The following AK8 variants were observed in gnomAD, a reference collection of about 807,000 sequenced individuals.
AK8 encodes the protein adenylate kinase 8.
AK8 carries 44 observed loss-of-function variants against 54.6 expected under a neutral mutation model. The ratio of observed to expected loss-of-function variants is 0.81; its 90% CI spans 0.63 to 1.04. AK8 has a LOEUF of 1.04. Ranked by LOEUF, AK8 falls within the 50% of genes least tolerant of loss-of-function variation. The probability of loss-of-function intolerance (pLI) is 0.00; values close to 1 mark genes in which losing one functional copy is unlikely to be tolerated. For missense variants in AK8, 555 were observed against 613.6 expected, an observed-to-expected ratio of 0.90 and a Z score of 1.01; for synonymous variants, 239 against 245.6, an observed-to-expected ratio of 0.97 and a Z score of 0.25.
At chr9:132,849,697 C>T (rs1290032111) in intron 5 of AK8, among the ~76,000 whole-genome samples, 6 of 152,212 alleles carry the variant, frequency 3.9e-5, no homozygotes, top group Non-Finnish European at 7.3e-5. Context: ...GTGAGAACTG[C>T]TACTCCCTCG....
chr9:132,765,199 G>A (rs865919132), intron 11 of AK8, among the ~76,000 whole-genome samples: 6 of 148,280 alleles, frequency 4.0e-5, no homozygotes, highest in Non-Finnish European at 5.9e-5. Flanking sequence ...AGGCTGAGGC[G>A]GGAGAGTTGC....
At chr9:132,774,537 A>G (rs1325327844) in intron 11 of AK8, among the ~76,000 whole-genome samples, 2 of 152,196 alleles carry the variant, frequency 1.3e-5, no homozygotes, top group Non-Finnish European at 2.9e-5. Context: ...CCTGTAAGGA[A>G]GATGGAAAAT....
chr9:132,798,830 C>T (rs1445709462), intron 10 of AK8, among the ~76,000 whole-genome samples: 1 of 152,150 alleles, frequency 6.6e-6, no homozygotes, highest in Non-Finnish European at 1.5e-5. Flanking sequence ...GATGGGGATC[C>T]ATGGTGGCAA....
chr9:132,750,156 TCA>T (rs1287852318), intron 11 of AK8, among the ~76,000 whole-genome samples: 1 of 151,932 alleles, frequency 6.6e-6, no homozygotes, highest in East Asian at 1.9e-4. Flanking sequence ...ATGGGCTCTG[TCA>T]TGCAGGCTGG....
At chr9:132,783,532 T>A (rs1408036972) in intron 11 of AK8, among the ~76,000 whole-genome samples, 1 of 150,374 alleles carries the variant, frequency 6.7e-6, no homozygotes, top group Non-Finnish European at 1.5e-5. Flanking sequence ...TGGGACCCAG[T>A]TATAGGTGCT....
At chr9:132,727,432 C>A (rs778887473) in intron 12 of AK8, 22 bp downstream of exon 12, 1 of 1,613,106 alleles carries the variant, frequency 6.2e-7, no homozygotes, top group African/African-American at 1.3e-5. Flanking sequence ...AGACTGCCAA[C>A]CACCAGGAAC....
intron 10 of AK8, among the ~76,000 whole-genome samples, chr9:132,804,260 C>T (rs560977499): frequency 6.6e-6 from 1 of 152,284 alleles, no homozygotes; most frequent in East Asian, 1.9e-4. Flanking sequence ...CTGCCACAGG[C>T]TTGCTCTTCC....
At chr9:132,777,303 C>G (rs1224978490) in intron 11 of AK8, among the ~76,000 whole-genome samples, 1 of 152,148 alleles carries the variant, frequency 6.6e-6, no homozygotes, top group African/African-American at 2.4e-5. Flanking sequence ...CCCAGTGCCT[C>G]CCCGCATCAT....
At chr9:132,853,432 A>G (rs893642924) in intron 5 of AK8, among the ~76,000 whole-genome samples, 1 of 152,060 alleles carries the variant, frequency 6.6e-6, no homozygotes, top group African/African-American at 2.4e-5. Flanking sequence ...GTAGTCAGAG[A>G]AAAAAATGAT....
At chr9:132,785,260 T>A (rs1325882138) in intron 11 of AK8, among the ~76,000 whole-genome samples, 13 of 152,026 alleles carry the variant, frequency 8.6e-5, no homozygotes, top group Admixed American at 8.5e-4. Context: ...CCCACCACCA[T>A]GCCCGGCTAA....
At chr9:132,767,382 A>G (rs1050872167) in intron 11 of AK8, among the ~76,000 whole-genome samples, 2 of 152,240 alleles carry the variant, frequency 1.3e-5, no homozygotes, top group Admixed American at 1.3e-4. Flanking sequence ...AATATCATGG[A>G]AATGCAAATT....
At chr9:132,875,041 G>T (rs1844028196) in intron 2 of AK8, 74 bp downstream of exon 2, 1 of 1,574,800 alleles carries the variant, frequency 6.4e-7, no homozygotes, top group South Asian at 1.1e-5. Flanking sequence ...GGAGGCAGAG[G>T]AGTCAGGGAA....
chr9:132,853,368 A>AG (rs1180255899), intron 5 of AK8, among the ~76,000 whole-genome samples: 6 of 151,690 alleles, frequency 4.0e-5, no homozygotes, highest in East Asian at 1.9e-4. Context: ...AAAAAAAAAA[A>AG]AAAAGAAAAG....
chr9:132,761,503 C>A (rs1262646832), intron 11 of AK8, among the ~76,000 whole-genome samples: 3 of 152,168 alleles, frequency 2.0e-5, no homozygotes, highest in East Asian at 3.9e-4. Flanking sequence ...CTTCACGTAT[C>A]TGCCCACCTC....
intron 2 of AK8, among the ~76,000 whole-genome samples, chr9:132,872,054 G>C: frequency 6.6e-6 from 1 of 152,182 alleles, no homozygotes. Flanking sequence ...AACACAGAGG[G>C]CCAGGCACAG....
rs946276667 is a variant in AK8 at position 132,781,815 on chromosome 9, T to C, written c.1121+10819A>G. On this transcript the variant is annotated intron_variant, in intron 11 of 12. Coordinates refer to ENST00000298545, the MANE Select transcript of AK8 (RefSeq NM_152572.3). This position sits in a 1 kb window ranked among gnomAD's most constrained non-coding sequence, Gnocchi z 4.6. ...GTCATCCTGGTGCTAGGTGGATTCA[T>C]TTTAGAATATTTCTCTCTTTCTTAG... is the stretch of plus-strand genomic sequence containing the variant. Among the ~76,000 whole-genome samples the C allele has an allele frequency of 6.6e-6, 1 of 152,188 alleles. No homozygotes were observed. The highest frequency in any genetic ancestry group is 6.5e-5 in the Admixed American group (1 of 15,272).
chr9:132,734,811 C>T (rs769854817), intron 11 of AK8, among the ~76,000 whole-genome samples: 20 of 152,086 alleles, frequency 1.3e-4, no homozygotes, highest in Non-Finnish European at 2.2e-4. Context: ...GGACGGATCA[C>T]CTGAGGTCAA....
chr9:132,759,915 T>C lies in AK8; in HGVS notation c.1122-32381A>G, dbSNP rs574892597. Among the ~76,000 whole-genome samples the C allele has an allele frequency of 2.0e-5, 3 of 152,322 alleles. No homozygotes were observed. In the South Asian group the frequency reaches 6.2e-4, roughly 32 times the overall value. On this transcript the variant is annotated intron_variant, in intron 11 of 12. Transcript: ENST00000298545. ...ATTTTTAACTCTTTGCTCTTCTATGTAAATGCAGAATGAGCACAGCAAGTT... is the reference window on the plus strand; with the variant it reads ...ATTTTTAACTCTTTGCTCTTCTATGCAAATGCAGAATGAGCACAGCAAGTT...
At chr9:132,779,687 G>T (rs573256952) in intron 11 of AK8, among the ~76,000 whole-genome samples, 1 of 100,814 alleles carries the variant, frequency 9.9e-6, no homozygotes, top group South Asian at 5.7e-4. Context: ...CAGTAGTGCT[G>T]TGAGGTTAAA....
Sources: gnomAD v4.1 joint callset for allele counts (sites outside exome capture counted in the v4.1 genomes callset) on GRCh38, gnomAD v4.1.1 for gene constraint, Gnocchi (gnomAD v3.1) non-coding constraint, MANE v1.5 for transcripts, NCBI Gene and HGNC (gene_info 2026-07-23, HGNC 2026-07-21) for gene names.